Variants in NEFH observed in about 807,000 individuals in gnomAD.
NEFH encodes the protein neurofilament heavy polypeptide.
NEFH carries 58 observed loss-of-function variants against 56.6 expected under a neutral mutation model. The observed-to-expected ratio is 1.03, with a 90% CI of 0.83 to 1.28. The LOEUF is 1.28. Among genes scored for constraint, NEFH ranks in the 50% most tolerant of loss-of-function variants. NEFH has a pLI of 0.00. For missense variants in NEFH, 1,221 were observed against 1,307.6 expected (o/e 0.93, Z 1.02); for synonymous variants, 542 against 545.8 (o/e 0.99, Z 0.10).
chr22:29,485,426 A>G (rs2063038756), intron 2 of NEFH, among the ~76,000 whole-genome samples: 2 of 152,342 alleles, frequency 1.3e-5, no homozygotes, highest in East Asian at 3.9e-4. Context: ...TCTAAGCTCA[A>G]GATCTCTAAA....
rs553629461 is a variant in NEFH, at chr22:29,490,489, C to T, written c.2849C>T (p.Ala950Val). Residue 950 changes from alanine to valine, a missense_variant, in exon 4 of 4, where the codon GCA becomes GTA. Transcript: ENST00000310624. ...AGCAAACCAGCAGAGAAGAAGGAGG[C>T]AGCACCGGAGAAAAAAGACACCAAG... ...EPSKPAEKKE[A>V]APEKKDTKEE... is the part of the protein sequence containing the mutation. The T allele has an allele frequency of 2.8e-5, 44 of 1,589,520 alleles. No individual in the cohort carries two copies. The highest frequency in any genetic ancestry group is 1.5e-4 in the Admixed American group (8 of 53,152).
chr22:29,485,262 C>T (rs1207955521), intron 2 of NEFH, among the ~76,000 whole-genome samples: 3 of 152,118 alleles, frequency 2.0e-5, no homozygotes, highest in Admixed American at 1.3e-4. Flanking sequence ...GCCACCACAT[C>T]CCGCTAATTT....
At chr22:29,481,174 G>GCCC in intron 1 of NEFH, 29 bp downstream of exon 1, 3 of 1,056,322 alleles carry the variant, frequency 2.8e-6, no homozygotes, top group Non-Finnish European at 4.1e-6. Context: ...GGGGGGAGGG[G>GCCC]CGCCCCTGCT....
At position 29,483,569 on chromosome 22, in the gene NEFH, T is replaced by C; in HGVS notation, c.1078T>C (p.Tyr360His). 1 of 1,613,640 alleles carries C rather than the reference T, an allele frequency of 6.2e-7. No individual in the cohort carries two copies. Among genetic ancestry groups the C allele is most frequent in the Non-Finnish European group, 8.5e-7 (1 of 1,179,974 alleles). Reference sequence around the variant, plus strand: ...CCGTCATCAGGCCGACATTGCCTCCTACCAGGTGGGCAGGGGCAAGGCAGA... The same window carrying C: ...CCGTCATCAGGCCGACATTGCCTCCCACCAGGTGGGCAGGGGCAAGGCAGA... ...EDRHQADIAS[Y>H]QEAIQQLDAE... Residue 360 changes from tyrosine (Y) to histidine (H), a missense_variant, in exon 2 of 4, where the codon TAC becomes CAC. This residue lies in a region of NEFH where 640 missense variants were observed against 555.5 expected (regional missense o/e 1.15). Transcript: ENST00000310624.
intron 2 of NEFH, 129 bp from the exon 3 acceptor site, chr22:29,485,594 G>A (rs887647996): frequency 1.3e-5 from 14 of 1,114,836 alleles, no homozygotes; most frequent in Non-Finnish European, 1.8e-5. Flanking sequence ...GCTCTGGCAG[G>A]GTTGGGGTTG....
Position 29,486,519 on chromosome 22 carries a change from C to CTT in NEFH, c.1208+692_1208+693dup, listed in dbSNP as rs362163. 2.5e-3 allele frequency among the ~76,000 whole-genome samples: 256 copies of CTT among 102,452 alleles called. 2 individuals are homozygous for CTT. The highest frequency in any genetic ancestry group is 0.01 in the South Asian group (29 of 2,822). 67.2% of individuals were successfully genotyped at this position (102,452 alleles called of 152,430 possible). A position where few individuals can be genotyped will look rare whatever the true frequency, so the allele number is the denominator to read the frequency against. The stretch of plus-strand genomic sequence containing the variant: ...CTCTTTTACTCTGAGAGACATGAGT[C>CTT]TTTTTTTTTTTTTTTTTTTTTGAGA... On this transcript the variant is annotated intron_variant, in intron 3 of 3. Transcript: ENST00000310624.
chr22:29,480,363 CA>C lies in NEFH; in HGVS notation c.102del (p.Gly35AlafsTer21). The C allele has an allele frequency of 6.5e-7, 1 of 1,537,422 alleles. No homozygotes were observed. The highest frequency in any genetic ancestry group is 8.7e-7 in the Non-Finnish European group (1 of 1,149,290). On this transcript the variant is annotated frameshift_variant, in exon 1 of 4. Coordinates refer to ENST00000310624, the MANE Select transcript of NEFH (RefSeq NM_021076.4). LOFTEE classifies it high-confidence loss of function. ...TACGCGCTAGCCCGAAAGGGTGGCG[CA>C]GGCGGGACGCGCTCCGCCGCTGGCT... ...LHYALARKGGAGGTRSAAGSS... is the reference protein window; with the variant it reads ...LHYALARKGGXGGTRSAAGSS...
intron 2 of NEFH, among the ~76,000 whole-genome samples, chr22:29,484,853 G>A (rs1401963276): frequency 2.1e-5 from 3 of 145,114 alleles, no homozygotes; most frequent in Non-Finnish European, 4.5e-5. Context: ...TTTCTTTTTT[G>A]AGACACAGTC....
At chr22:29,485,341 GATCCA>G in intron 2 of NEFH, among the ~76,000 whole-genome samples, 1 of 152,158 alleles carries the variant, frequency 6.6e-6, no homozygotes, top group Non-Finnish European at 1.5e-5. Flanking sequence ...GACCTCAAGT[GATCCA>G]CCCTCCTCAG....
Position 29,481,033 on chromosome 22 carries a change from C to T in NEFH, c.771C>T (p.Ala257=), listed in dbSNP as rs549810426. 5.6e-5 allele frequency: 85 copies of T among 1,531,410 alleles called. No homozygotes were observed. In the African/African-American group the frequency reaches 1.0e-3, roughly 19 times the overall value. 94.9% of individuals were successfully genotyped at this position (1,531,410 alleles called of 1,614,324 possible). The change falls in exon 1 of 4, where the codon GCC becomes GCT. Residue 257 remains alanine (A), a synonymous_variant. Transcript: ENST00000310624. ...GCGCCGCGCAGGCGCAGATGCAGGCCGAGACGCGCGACGCCCTGAAGTGCG... is the reference window on the plus strand; with the variant it reads ...GCGCCGCGCAGGCGCAGATGCAGGCTGAGACGCGCGACGCCCTGAAGTGCG... ...GSGAAQAQMQ[A]ETRDALKCDV...
intron 1 of NEFH, among the ~76,000 whole-genome samples, chr22:29,482,941 G>C (rs1046802224): frequency 6.6e-6 from 1 of 152,180 alleles, no homozygotes; most frequent in African/African-American, 2.4e-5. Flanking sequence ...ATACAGGATG[G>C]TGTCTGGCAC....
chr22:29,489,773 A>G lies in NEFH; in HGVS notation c.2133A>G (p.Pro711=). Residue 711 remains proline, a synonymous_variant, in exon 4 of 4, where the codon CCA becomes CCG. Transcript: ENST00000310624. ...AGTCCCCTGAGAAGGCCAAGTCCCC[A>G]GTGAAGGAAGAAGCAAAGTCCCCTG... ...EAKSPEKAKS[P]VKEEAKSPEK... is the part of the protein sequence containing the mutation. 1 of 1,610,876 alleles carries G rather than the reference A, an allele frequency of 6.2e-7. No individual in the cohort carries two copies. The highest frequency in any genetic ancestry group is 8.5e-7 in the Non-Finnish European group (1 of 1,179,158).
At position 29,480,373 on chromosome 22, in the gene NEFH, G is replaced by A; in HGVS notation, c.111G>A (p.Thr37=). Residue 37 remains threonine, a synonymous_variant, in exon 1 of 4, where the codon ACG becomes ACA. Transcript: ENST00000310624. ...CCCGAAAGGGTGGCGCAGGCGGGAC[G>A]CGCTCCGCCGCTGGCTCCTCCAGCG... ...ALARKGGAGG[T]RSAAGSSSGF... 2 of 1,536,292 alleles carry A rather than the reference G, an allele frequency of 1.3e-6. No individual in the cohort carries two copies. Among genetic ancestry groups the A allele is most frequent in the Non-Finnish European group, 1.7e-6 (2 of 1,148,446 alleles).
chr22:29,480,990 G>C lies in NEFH; in HGVS notation c.728G>C (p.Gly243Ala). The change falls in exon 1 of 4, where the codon GGC (glycine) becomes GCC (alanine). Residue 243 changes from glycine to alanine, a missense_variant. Physicochemically the swap from Gly to Ala is moderately conservative, Grantham distance 60. Coordinates refer to ENST00000310624, the MANE Select transcript of NEFH (RefSeq NM_021076.4). ...CAGGAAGAGGTGGGCGAGCTGCTCGGCCAGATCCAGGGCTCCGGCGCCGCG... is the reference window on the plus strand; with the variant it reads ...CAGGAAGAGGTGGGCGAGCTGCTCGCCCAGATCCAGGGCTCCGGCGCCGCG... ...HHQEEVGELL[G>A]QIQGSGAAQA... 6.5e-7 allele frequency: 1 copy of C among 1,532,082 alleles called. No homozygotes were observed. The allele number at this position is 1,532,082 out of a possible 1,614,324, so 94.9% of individuals were successfully genotyped here.
In NEFH at chr22:29,480,837, G is replaced by C. The variant is rs2063001424; in HGVS notation, c.575G>C (p.Arg192Pro). Residue 192 changes from arginine (R) to proline (P), a missense_variant, in exon 1 of 4, where the codon CGA becomes CCA. Around this residue, in one of 4 missense-constraint regions of NEFH, gnomAD observed 640 missense variants for 555.5 expected, o/e 1.15. Transcript: ENST00000310624. ...CGCCTAGACGACGAGGCCCGGCAGC[G>C]AGAGGAGGCCGAGGCGGCGGCCCGC... ...RQRLDDEARQ[R>P]EEAEAAARAL... The C allele has an allele frequency of 6.5e-6, 9 of 1,392,826 alleles. No homozygotes were observed. Among genetic ancestry groups the C allele is most frequent in the Non-Finnish European group, 8.3e-6 (9 of 1,085,540 alleles). The allele number at this position is 1,392,826 out of a possible 1,614,324, so 86.3% of individuals were successfully genotyped here. A position where few individuals can be genotyped will look rare whatever the true frequency, so the allele number is the denominator to read the frequency against.
chr22:29,481,137 G>T lies in NEFH; in HGVS notation c.875G>T (p.Trp292Leu), dbSNP rs1052494620. The change falls in exon 1 of 4, where the codon TGG (tryptophan) becomes TTG (leucine). Residue 292 changes from tryptophan (W) to leucine (L), a missense_variant. Trp to Leu is a moderately conservative substitution (Grantham distance 61, BLOSUM62 -2). This residue lies in a region of NEFH where 640 missense variants were observed against 555.5 expected (regional missense o/e 1.15). Transcript: ENST00000310624. ...CAGAGCACGCTGCAGTCCGAGGAGTGGTTCCGAGGTACGCAGGCGCGCGGG... is the reference window on the plus strand; with the variant it reads ...CAGAGCACGCTGCAGTCCGAGGAGTTGTTCCGAGGTACGCAGGCGCGCGGG... ...AVQSTLQSEE[W>L]FRVRLDRLSE... 3.3e-6 allele frequency: 5 copies of T among 1,531,830 alleles called. No individual in the cohort carries two copies. In the African/African-American group the frequency reaches 6.9e-5, roughly 21 times the overall value. 94.9% of individuals were successfully genotyped at this position (1,531,830 alleles called of 1,614,324 possible).
chr22:29,491,283 A>G lies in NEFH; in HGVS notation c.*580A>G, dbSNP rs746956663. 3 of 195,024 alleles carry G rather than the reference A, an allele frequency of 1.5e-5. No homozygotes were observed. The highest frequency in any genetic ancestry group is 3.2e-5 in the Non-Finnish European group (3 of 94,012). 12.1% of individuals were successfully genotyped at this position (195,024 alleles called of 1,614,324 possible). A position where few individuals can be genotyped will look rare whatever the true frequency, so the allele number is the denominator to read the frequency against. On this transcript the variant is annotated 3_prime_UTR_variant, in exon 4 of 4. Transcript: ENST00000310624. Reference sequence around the variant, plus strand: ...GTGCAATAAAACCAAGTGCTTATAAAATGAAAATGTTGCTGCTGTTATTCT... The same window carrying G: ...GTGCAATAAAACCAAGTGCTTATAAGATGAAAATGTTGCTGCTGTTATTCT...
intron 1 of NEFH, 33 bp downstream of exon 1, chr22:29,481,178 C>T: frequency 6.6e-7 from 1 of 1,526,424 alleles, no homozygotes; most frequent in African/African-American, 1.4e-5. Context: ...GGAGGGGCGC[C>T]CCTGCTGACC....
In NEFH at chr22:29,480,448, C is replaced by A; in HGVS notation, c.186C>A (p.Pro62=). Residue 62 remains proline (P), a synonymous_variant, in exon 1 of 4, where the codon CCC becomes CCA. Coordinates refer to ENST00000310624, the MANE Select transcript of NEFH (RefSeq NM_021076.4). ...CCGTGAGCTCCGTGTCCGCCTCGCC[C>A]AGCCGCTTCCGTGGCGCAGGCGCCG... The part of the protein sequence containing the change: ...RTSVSSVSAS[P]SRFRGAGAAS... 1 of 1,532,138 alleles carries A rather than the reference C, an allele frequency of 6.5e-7. No individual in the cohort carries two copies. Among genetic ancestry groups the A allele is most frequent in the Non-Finnish European group, 8.7e-7 (1 of 1,145,828 alleles). The allele number at this position is 1,532,138 out of a possible 1,614,324, so 94.9% of individuals were successfully genotyped here.
Sources: gnomAD v4.1 joint callset for allele counts (sites outside exome capture counted in the v4.1 genomes callset) on GRCh38, gnomAD v4.1.1 for gene constraint, gnomAD v4.1.1 regional missense constraint, MANE v1.5 for transcripts, NCBI Gene and HGNC (gene_info 2026-07-23, HGNC 2026-07-21) for gene names.